Variants in AKT1S1 observed in about 807,000 individuals in gnomAD.
AKT1S1 encodes the protein proline-rich AKT1 substrate 1.
In AKT1S1, 17 loss-of-function variants were observed where a neutral mutation model predicts 21.2. The observed-to-expected ratio is 0.80, with a 90% CI of 0.55 to 1.20. The LOEUF (loss-of-function observed/expected upper bound fraction) is 1.20, where lower values mean the gene tolerates loss of function less well. Ranked by LOEUF, AKT1S1 falls within the 50% of genes most tolerant of loss-of-function variation. The probability of loss-of-function intolerance (pLI) is 0.00; values close to 1 mark genes in which losing one functional copy is unlikely to be tolerated. For missense variants in AKT1S1, 366 were observed against 368.3 expected (o/e 0.99, Z 0.05); for synonymous variants, 181 against 165.6 (o/e 1.09, Z -0.72).
chr19:49,876,308 C>G, intron 1 of AKT1S1: 1 of 1,200,636 alleles, frequency 8.3e-7, no homozygotes, highest in Non-Finnish European at 1.0e-6. Flanking sequence ...AGGGGCGCCC[C>G]GAGGCCCCCC....
upstream of AKT1S1, chr19:49,877,827 T>C: frequency 6.8e-7 from 1 of 1,472,462 alleles, no homozygotes; most frequent in Non-Finnish European, 9.2e-7. Context: ...AGGCCTTGGC[T>C]CTCGAGAATC....
chr19:49,876,553 G>A (rs1031988727), intron 1 of AKT1S1: 49 of 1,478,044 alleles, frequency 3.3e-5, no homozygotes, highest in Non-Finnish European at 4.4e-5. Flanking sequence ...GCTGCCTCAG[G>A]ACGGCCAAAT....
At chr19:49,877,403 C>T, upstream of AKT1S1, 1 of 413,768 alleles carries the variant, frequency 2.4e-6, no homozygotes, top group Non-Finnish European at 4.4e-6. Context: ...AGGAAGTGGG[C>T]GTTTCAAGGC....
chr19:49,878,168 A>G (rs144737346), upstream of AKT1S1: 200 of 1,577,674 alleles, frequency 1.3e-4, no homozygotes, highest in South Asian at 3.5e-4. Context: ...GGCGGAGTGT[A>G]CCTGCACACC....
At chr19:49,872,615 A>T (rs1436791057) in intron 2 of AKT1S1, among the ~76,000 whole-genome samples, 1 of 152,042 alleles carries the variant, frequency 6.6e-6, no homozygotes, top group Non-Finnish European at 1.5e-5. Flanking sequence ...CCCAACCCCC[A>T]CCGGGACTCC....
upstream of AKT1S1, chr19:49,878,338 G>A: frequency 1.5e-6 from 2 of 1,292,752 alleles, no homozygotes; most frequent in Non-Finnish European, 1.1e-6. Flanking sequence ...CTGGCGGTCA[G>A]CAGTGGGACC....
At position 49,876,248 on chromosome 19, in the gene AKT1S1, A is replaced by G. The variant is rs367732746; in HGVS notation, c.-8+989T>C. The stretch of plus-strand genomic sequence containing the variant: ...CACTGGTCTAGGAAGAAAACAGGAA[A>G]TCCCGCCCAGACGGAGGCCAGGACC... On this transcript the variant is annotated intron_variant, in intron 1 of 4. Coordinates refer to ENST00000344175, the MANE Select transcript of AKT1S1 (RefSeq NM_001098633.4). 3 of 1,105,296 alleles carry G rather than the reference A, an allele frequency of 2.7e-6. No homozygotes were observed. The African/African-American group carries it at 4.9e-5, about 18-fold the overall frequency. 68.5% of individuals were successfully genotyped at this position (1,105,296 alleles called of 1,614,324 possible). A position where few individuals can be genotyped will look rare whatever the true frequency, so the allele number is the denominator to read the frequency against.
Position 49,869,885 on chromosome 19 carries a change from G to C in AKT1S1, c.*32C>G, listed in dbSNP as rs372479586. On this transcript the variant is annotated 3_prime_UTR_variant, in exon 5 of 5. Coordinates refer to ENST00000344175, the MANE Select transcript of AKT1S1 (RefSeq NM_001098633.4). ...GCGGGGGCGTAGTGTGGGACGGGGC[G>C]GACGCGGCCCGGGGCGCTCCCTCCC... 2.8e-4 allele frequency: 402 copies of C among 1,455,948 alleles called. 1 individual carries two copies. The African/African-American group carries it at 5.1e-3, about 19-fold the overall frequency. 90.2% of individuals were successfully genotyped at this position (1,455,948 alleles called of 1,614,324 possible). A position where few individuals can be genotyped will look rare whatever the true frequency, so the allele number is the denominator to read the frequency against.
rs1568670007 is a variant in AKT1S1 at position 49,876,315 on chromosome 19, C to A, written c.-8+922G>T. On this transcript the variant is annotated intron_variant, in intron 1 of 4. Transcript: ENST00000344175. ...GACGGGTGAGGGGCGCCCCGAGGCC[C>A]CCCAAACCATCCCCCGACCCCGTGG... The A allele has an allele frequency of 4.1e-6, 5 of 1,207,294 alleles. No individual in the cohort carries two copies. In the East Asian group the frequency reaches 1.3e-4, roughly 32 times the overall value. 74.8% of individuals were successfully genotyped at this position (1,207,294 alleles called of 1,614,324 possible).
chr19:49,877,765 C>A (rs750556661), upstream of AKT1S1: 2 of 1,585,044 alleles, frequency 1.3e-6, no homozygotes, highest in East Asian at 2.3e-5. Flanking sequence ...AGGACGCATT[C>A]CCTCGCTTCA....
In AKT1S1 at chr19:49,869,758, G is replaced by C. The variant is rs1420569681; in HGVS notation, c.*159C>G. On this transcript the variant is annotated 3_prime_UTR_variant, in exon 5 of 5. Transcript: ENST00000344175. ...CCTCGGCGCGGCAGGTCGTGGGCTG[G>C]AAGGACGGCGGGGATTGGCAGAGGC... The C allele has an allele frequency of 3.4e-6, 3 of 891,088 alleles. No homozygotes were observed. The highest frequency in any genetic ancestry group is 4.7e-6 in the Non-Finnish European group (3 of 636,990). The allele number at this position is 891,088 out of a possible 1,614,324, so 55.2% of individuals were successfully genotyped here.
rs1291116818 is a variant in AKT1S1, at chr19:49,871,850, A to G, written c.419T>C (p.Leu140Pro). ...VMDEDATLQDLPPFCESDPES... is the reference protein window; with the variant it reads ...VMDEDATLQDPPPFCESDPES... ...GGGGTCTGACTCACAGAAGGGGGGA[A>G]GGTCCTGGAGGGTGGCGTCCTCATC... is the stretch of plus-strand genomic sequence containing the variant. Residue 140 changes from leucine to proline, a missense_variant, in exon 3 of 5, where the codon CTT becomes CCT. Transcript: ENST00000344175. 6.2e-7 allele frequency: 1 copy of G among 1,611,768 alleles called. No homozygotes were observed. Among genetic ancestry groups the G allele is most frequent in the Non-Finnish European group, 8.5e-7 (1 of 1,179,368 alleles).
rs2074908476 is a variant in AKT1S1, at chr19:49,873,408, C to T, written c.-7-106G>A. The T allele has an allele frequency of 2.6e-5, 35 of 1,363,144 alleles. No individual in the cohort carries two copies. In the South Asian group the frequency reaches 5.0e-4, roughly 19 times the overall value. The allele number at this position is 1,363,144 out of a possible 1,614,324, so 84.4% of individuals were successfully genotyped here. A position where few individuals can be genotyped will look rare whatever the true frequency, so the allele number is the denominator to read the frequency against. On this transcript the variant is annotated intron_variant, in intron 1 of 4. Transcript: ENST00000344175. The surrounding 1 kb of genome is among the most constrained non-coding windows in gnomAD (Gnocchi z 6.9). The stretch of plus-strand genomic sequence containing the variant: ...CCTGGATGGCACTCACCACCCTCCA[C>T]CCACCTTGTCCCAGCGGTGCTGTGT...
upstream of AKT1S1, chr19:49,877,485 C>T: frequency 1.9e-6 from 1 of 516,736 alleles, no homozygotes; most frequent in Admixed American, 3.7e-5. Flanking sequence ...GCGAACACTG[C>T]GCCTGCGCAC....
intron 4 of AKT1S1, among the ~76,000 whole-genome samples, chr19:49,871,169 G>T (rs2074879202): frequency 1.3e-5 from 2 of 152,136 alleles, no homozygotes; most frequent in African/African-American, 4.8e-5. Flanking sequence ...GGTGAACAGG[G>T]GACCAGGGGG....
rs1400747684 is a variant in AKT1S1, at chr19:49,869,415, T to C, written c.*502A>G. 1 of 152,470 alleles carries C rather than the reference T, an allele frequency of 6.6e-6. No individual in the cohort carries two copies. Among genetic ancestry groups the C allele is most frequent in the African/African-American group, 2.4e-5 (1 of 41,256 alleles). 9.4% of individuals were successfully genotyped at this position (152,470 alleles called of 1,614,324 possible). A position where few individuals can be genotyped will look rare whatever the true frequency, so the allele number is the denominator to read the frequency against. On this transcript the variant is annotated 3_prime_UTR_variant, in exon 5 of 5. Transcript: ENST00000344175. ...CGTAAATTGAAGGCCCCGGGCCAAT[T>C]CTGGGAAGAGGAGGGCTTGGCCACG... is the stretch of plus-strand genomic sequence containing the variant.
intron 1 of AKT1S1, chr19:49,875,834 C>A: frequency 1.0e-6 from 1 of 985,398 alleles, no homozygotes; most frequent in Non-Finnish European, 1.2e-6. Context: ...TGTAATGCTA[C>A]CCAACAGGAG....
chr19:49,870,610 A>T (rs2074873494), intron 4 of AKT1S1, among the ~76,000 whole-genome samples: 1 of 152,162 alleles, frequency 6.6e-6, no homozygotes, highest in African/African-American at 2.4e-5. Context: ...AGGAGCCTGC[A>T]GTTCTGGCAC....
chr19:49,869,918 C>A lies in AKT1S1; in HGVS notation c.770G>T (p.Ter257LeuextTer26). 1 of 1,520,710 alleles carries A rather than the reference C, an allele frequency of 6.6e-7. No homozygotes were observed. Among genetic ancestry groups the A allele is most frequent in the South Asian group, 1.2e-5 (1 of 82,054 alleles). 94.2% of individuals were successfully genotyped at this position (1,520,710 alleles called of 1,614,324 possible). ...SDFQKLKRKY* is the reference protein window; with the variant it reads ...SDFQKLKRKYL Reference sequence around the variant, plus strand: ...CCCGGGGCGCTCCCTCCCTGGACTTCAATATTTCCGCTTCAGCTTCTGGAA... The same window carrying A: ...CCCGGGGCGCTCCCTCCCTGGACTTAAATATTTCCGCTTCAGCTTCTGGAA... The change falls in exon 5 of 5, where the codon TGA (stop) becomes TTA (leucine). Residue 257 changes from the stop codon to leucine (L), a stop_lost. Transcript: ENST00000344175.
Sources: allele counts gnomAD v4.1 joint callset (sites outside exome capture counted in the v4.1 genomes callset), GRCh38; gene constraint gnomAD v4.1.1; non-coding constraint Gnocchi (gnomAD v3.1); transcripts MANE v1.5; gene names NCBI Gene and HGNC (gene_info 2026-07-23, HGNC 2026-07-21).